MS4A10: variants seen among roughly 807,000 people sequenced by gnomAD.
MS4A10 encodes membrane spanning 4-domains A10.
In MS4A10, 27 loss-of-function variants were observed where a neutral mutation model predicts 27.7. The ratio of observed to expected loss-of-function variants is 0.98; its 90% CI spans 0.72 to 1.35. The LOEUF is 1.35. Among genes scored for constraint, MS4A10 ranks in the 40% most tolerant of loss-of-function variants. The pLI is 0.00. For missense variants in MS4A10, 338 were observed against 324.7 expected (o/e 1.04, Z -0.32); for synonymous variants, 139 against 131.2 (o/e 1.06, Z -0.41).
At position 60,785,410 on chromosome 11, in the gene MS4A10, C is replaced by A. The variant is rs1854319172; in HGVS notation, c.-34C>A. 6.6e-6 allele frequency: 1 copy of A among 152,408 alleles called. No individual in the cohort carries two copies. Among genetic ancestry groups the A allele is most frequent in the South Asian group, 2.1e-4 (1 of 4,826 alleles). The allele number at this position is 152,408 out of a possible 1,614,324, so 9.4% of individuals were successfully genotyped here. A position where few individuals can be genotyped will look rare whatever the true frequency, so the allele number is the denominator to read the frequency against. ...CAGCTGGAAGCTCAGAGCTGCAGTC[C>A]CAGGTCCTGGGGTGAGTGGTCCCCC... On this transcript the variant is annotated 5_prime_UTR_variant, in exon 1 of 8. Coordinates refer to ENST00000308287, the MANE Select transcript of MS4A10 (RefSeq NM_206893.4).
At chr11:60,791,122 T>TAGAAGGCAAAACACA in intron 3 of MS4A10, 29 bp downstream of exon 3, 1 of 1,611,936 alleles carries the variant, frequency 6.2e-7, no homozygotes, top group Non-Finnish European at 8.5e-7. Flanking sequence ...ACAGACCGGG[T>TAGAAGGCAAAACACA]GTGGGAGTCT....
chr11:60,793,478 G>A (rs1187368849), intron 4 of MS4A10, among the ~76,000 whole-genome samples: 2 of 152,194 alleles, frequency 1.3e-5, no homozygotes, highest in Admixed American at 6.5e-5. Flanking sequence ...ATGAATACAG[G>A]CATTTCAGGA....
chr11:60,794,751 C>T (rs1854496694), intron 5 of MS4A10, among the ~76,000 whole-genome samples: 1 of 152,174 alleles, frequency 6.6e-6, no homozygotes, highest in South Asian at 2.1e-4. Flanking sequence ...TCGAGGCTCA[C>T]TGTAACCTCC....
In MS4A10 at chr11:60,799,952, C is replaced by T. The variant is rs767495207; in HGVS notation, c.*43C>T. ...ATGCCCAAACTTGGTTGGAGCATAG[C>T]CCCTGCTCTCCCAAAGTTGCACTTT... On this transcript the variant is annotated 3_prime_UTR_variant, in exon 8 of 8. Transcript: ENST00000308287. 2.5e-6 allele frequency: 4 copies of T among 1,613,316 alleles called. No individual in the cohort carries two copies. The highest frequency in any genetic ancestry group is 2.2e-5 in the East Asian group (1 of 44,864).
chr11:60,786,496 C>T (rs557038743), intron 1 of MS4A10, among the ~76,000 whole-genome samples: 60 of 152,278 alleles, frequency 3.9e-4, no homozygotes, highest in South Asian at 1.9e-3. Flanking sequence ...GGCCCTCTCC[C>T]CCTGTAAGCA....
intron 1 of MS4A10, among the ~76,000 whole-genome samples, chr11:60,789,307 G>A (rs1412396889): frequency 6.6e-6 from 1 of 152,120 alleles, no homozygotes; most frequent in Admixed American, 6.5e-5. Context: ...CTCAATCCCT[G>A]CAAGCCAGCT....
At position 60,801,289 on chromosome 11, in the gene MS4A10, A is replaced by G. The variant is rs191297128; in HGVS notation, c.*1380A>G. 4 of 152,366 alleles carry G rather than the reference A, an allele frequency of 2.6e-5. No individual in the cohort carries two copies. In the East Asian group the frequency reaches 5.8e-4, roughly 22 times the overall value. The allele number at this position is 152,366 out of a possible 1,614,324, so 9.4% of individuals were successfully genotyped here. On this transcript the variant is annotated 3_prime_UTR_variant, in exon 8 of 8. Coordinates refer to ENST00000308287, the MANE Select transcript of MS4A10 (RefSeq NM_206893.4). The stretch of plus-strand genomic sequence containing the variant: ...TGTGCTACATTGATGGTTTACATCA[A>G]TAAAGGTTGAAACGGCTTCTGGTTC...
intron 6 of MS4A10, among the ~76,000 whole-genome samples, chr11:60,797,800 G>A (rs761350069): frequency 2.0e-5 from 3 of 152,232 alleles, no homozygotes; most frequent in East Asian, 1.9e-4. Context: ...ATTCTGGGAC[G>A]CAGGTTCTGC....
At position 60,798,499 on chromosome 11, in the gene MS4A10, A is replaced by G. The variant is rs373566212; in HGVS notation, c.707A>G (p.His236Arg). 1.2e-6 allele frequency: 2 copies of G among 1,613,932 alleles called. No individual in the cohort carries two copies. Among genetic ancestry groups the G allele is most frequent in the Non-Finnish European group, 1.7e-6 (2 of 1,179,872 alleles). The change falls in exon 7 of 8, where the codon CAC (histidine) becomes CGC (arginine). Residue 236 changes from histidine (H) to arginine (R), a missense_variant. Coordinates refer to ENST00000308287, the MANE Select transcript of MS4A10 (RefSeq NM_206893.4). ...YQSVIQGDAQHKQHQRLREVK... is the reference protein window; with the variant it reads ...YQSVIQGDAQRKQHQRLREVK... ...AGTGTGATTCAAGGCGACGCACAACACAAGCAACATCAGAGGTGAAGAGGT... is the reference window on the plus strand; with the variant it reads ...AGTGTGATTCAAGGCGACGCACAACGCAAGCAACATCAGAGGTGAAGAGGT...
chr11:60,788,023 T>TATAA (rs1854368385), intron 1 of MS4A10, among the ~76,000 whole-genome samples: 1 of 145,972 alleles, frequency 6.9e-6, no homozygotes, highest in Non-Finnish European at 1.5e-5. Flanking sequence ...GTCTCAAAAA[T>TATAA]AGAAATAAAT....
In MS4A10 at chr11:60,795,617, A is replaced by T. The variant is rs1854514891; in HGVS notation, c.555A>T (p.Pro185=). The T allele has an allele frequency of 6.3e-7, 1 of 1,596,386 alleles. No individual in the cohort carries two copies. Among genetic ancestry groups the T allele is most frequent in the Non-Finnish European group, 8.5e-7 (1 of 1,171,168 alleles). ...LCFTVLELFL[P]VPTAVTAWRG... is the part of the protein sequence containing the mutation. ...TCACTGTCCTAGAGCTCTTCCTGCC[A>T]GTGCCCACAGCTGTCACAGCCTGGA... Residue 185 remains proline (P), a synonymous_variant, in exon 6 of 8, where the codon CCA becomes CCT. Transcript: ENST00000308287.
intron 1 of MS4A10, among the ~76,000 whole-genome samples, chr11:60,786,486 G>T (rs886160807): frequency 2.7e-5 from 4 of 150,738 alleles, no homozygotes; most frequent in African/African-American, 7.3e-5. Flanking sequence ...GAGCTCTCAC[G>T]GCCCTCTCCC....
chr11:60,792,967 G>T (rs566674089), intron 4 of MS4A10, among the ~76,000 whole-genome samples: 1 of 152,362 alleles, frequency 6.6e-6, no homozygotes, highest in Admixed American at 6.5e-5. Flanking sequence ...CCCGAGCATA[G>T]TGATAGCCCA....
In MS4A10 at chr11:60,792,270, C is replaced by T. The variant is rs778316145; in HGVS notation, c.309C>T (p.Leu103=). The change falls in exon 4 of 8, where the codon CTC becomes CTT. Residue 103 remains leucine (L), a synonymous_variant. Coordinates refer to ENST00000308287, the MANE Select transcript of MS4A10 (RefSeq NM_206893.4). The part of the protein sequence containing the change: ...WYPFWGAASF[L]ISGILAITMK... Reference sequence around the variant, plus strand: ...CTTTCAAATCTGTCCTGCAGTTTCTCATTTCAGGGATCTTGGCGATAACAA... The same window carrying T: ...CTTTCAAATCTGTCCTGCAGTTTCTTATTTCAGGGATCTTGGCGATAACAA... 18 of 1,613,512 alleles carry T rather than the reference C, an allele frequency of 1.1e-5. No homozygotes were observed. The highest frequency in any genetic ancestry group is 1.5e-5 in the Non-Finnish European group (18 of 1,179,578).
chr11:60,798,598 C>G lies in MS4A10; in HGVS notation c.722+84C>G. 6.5e-6 allele frequency: 7 copies of G among 1,083,734 alleles called. No homozygotes were observed. In the South Asian group the frequency reaches 9.5e-5, roughly 15 times the overall value. The allele number at this position is 1,083,734 out of a possible 1,614,324, so 67.1% of individuals were successfully genotyped here. A position where few individuals can be genotyped will look rare whatever the true frequency, so the allele number is the denominator to read the frequency against. The stretch of plus-strand genomic sequence containing the variant: ...CCTGGCATAGATAGAAACCAGTTCC[C>G]AGGGGAGCTGTAAGGGGCAAGGGGC... On this transcript the variant is annotated intron_variant, in intron 7 of 7. Transcript: ENST00000308287.
intron 7 of MS4A10, 106 bp downstream of exon 7, chr11:60,798,620 G>T: frequency 3.6e-6 from 3 of 836,646 alleles, no homozygotes; most frequent in Non-Finnish European, 2.0e-6. Flanking sequence ...AAGGGGCAAG[G>T]GGCTAACAGT....
chr11:60,795,904 G>T (rs1047316015), intron 6 of MS4A10, among the ~76,000 whole-genome samples: 6 of 152,150 alleles, frequency 3.9e-5, no homozygotes, highest in Non-Finnish European at 8.8e-5. Context: ...AACTCCATGG[G>T]TGCCCAGAAC....
intron 1 of MS4A10, among the ~76,000 whole-genome samples, chr11:60,786,354 T>C (rs1447636497): frequency 6.6e-6 from 1 of 152,068 alleles, no homozygotes; most frequent in Admixed American, 6.5e-5. Context: ...GTCCCTGCAG[T>C]GTCCAGTGCA....
chr11:60,795,428 G>A (rs1854510643), intron 5 of MS4A10, 127 bp from the exon 6 acceptor site: 1 of 496,688 alleles, frequency 2.0e-6, no homozygotes, highest in Admixed American at 4.2e-5. Flanking sequence ...ACGCACACCT[G>A]GGAGCTGAAA....
Sources: gnomAD v4.1 joint callset for allele counts (sites outside exome capture counted in the v4.1 genomes callset) on GRCh38, gnomAD v4.1.1 for gene constraint, MANE v1.5 for transcripts, NCBI Gene and HGNC (gene_info 2026-07-23, HGNC 2026-07-21) for gene names.